Variants in PCDHAC1 observed in about 807,000 individuals in gnomAD.
The protein encoded by PCDHAC1 is protocadherin alpha-C1.
Under a neutral mutation model 60.0 loss-of-function variants are expected in PCDHAC1, and 42 were observed. The ratio of observed to expected loss-of-function variants is 0.70; its 90% CI spans 0.55 to 0.90. PCDHAC1 has a LOEUF of 0.90. Among genes scored for constraint, PCDHAC1 ranks in the 40% least tolerant of loss-of-function variants. The pLI is 0.00. For missense variants in PCDHAC1, 1,160 were observed against 1,222.3 expected, an observed-to-expected ratio of 0.95 and a Z score of 0.76; for synonymous variants, 468 against 499.3, an observed-to-expected ratio of 0.94 and a Z score of 0.84.
In PCDHAC1 at chr5:140,926,926, T is replaced by C; in HGVS notation, c.34T>C (p.Trp12Arg). ...VGCGVAVLCL[W>R]VSCGAAAGQL... Reference sequence around the variant, plus strand: ...CTGTGGGGTGGCAGTTTTATGTTTGTGGGTTTCCTGCGGCGCTGCAGCGGG... The same window carrying C: ...CTGTGGGGTGGCAGTTTTATGTTTGCGGGTTTCCTGCGGCGCTGCAGCGGG... The change falls in exon 1 of 4, where the codon TGG (tryptophan) becomes CGG (arginine). Residue 12 changes from tryptophan to arginine, a missense_variant. Around this residue, in one of 3 missense-constraint regions of PCDHAC1, gnomAD observed 43 missense variants for 40.4 expected, o/e 1.06. Transcript: ENST00000253807. 1 of 1,573,576 alleles carries C rather than the reference T, an allele frequency of 6.4e-7. No homozygotes were observed. Among genetic ancestry groups the C allele is most frequent in the South Asian group, 1.2e-5 (1 of 84,712 alleles).
chr5:140,927,453 G>T lies in PCDHAC1; in HGVS notation c.561G>T (p.Leu187Phe). 3 of 1,614,168 alleles carry T rather than the reference G, an allele frequency of 1.9e-6. No homozygotes were observed. The highest frequency in any genetic ancestry group is 2.5e-6 in the Non-Finnish European group (3 of 1,180,032). Residue 187 changes from leucine to phenylalanine, a missense_variant, in exon 1 of 4, where the codon TTG becomes TTT. By Grantham distance (22) the Leu-to-Phe change is conservative. Transcript: ENST00000253807. ...VDGSEYPELV[L>F]EKALDREQRA... ...GCAGCGAATACCCGGAGTTGGTGTT[G>T]GAGAAAGCACTGGATCGCGAACAGC...
intron 3 of PCDHAC1, among the ~76,000 whole-genome samples, chr5:140,993,515 G>T (rs1351377291): frequency 6.7e-6 from 1 of 149,364 alleles, no homozygotes; most frequent in East Asian, 1.9e-4. Context: ...CACACGGGGA[G>T]AGAGAGACAG....
intron 3 of PCDHAC1, among the ~76,000 whole-genome samples, chr5:140,999,702 T>A (rs78322991): frequency 6.6e-6 from 1 of 152,136 alleles, no homozygotes; most frequent in South Asian, 2.1e-4. Context: ...GATTTTTTTT[T>A]AGCTAACTAC....
chr5:140,944,807 A>G (rs1472832230), intron 1 of PCDHAC1, among the ~76,000 whole-genome samples: 1 of 152,214 alleles, frequency 6.6e-6, no homozygotes, highest in Non-Finnish European at 1.5e-5. Context: ...TCGAGGGTCC[A>G]CAGTGATCTT....
intron 3 of PCDHAC1, among the ~76,000 whole-genome samples, chr5:141,007,846 A>G (rs1368916424): frequency 6.6e-6 from 1 of 152,176 alleles, no homozygotes. Flanking sequence ...TAGAGACTCA[A>G]AGTCCTTAAA....
intron 1 of PCDHAC1, among the ~76,000 whole-genome samples, chr5:140,948,492 A>G (rs915795889): frequency 4.0e-5 from 6 of 151,594 alleles, no homozygotes; most frequent in Non-Finnish European, 8.9e-5. Flanking sequence ...AATTTCTTTC[A>G]TAGACTTTCT....
intron 1 of PCDHAC1, among the ~76,000 whole-genome samples, chr5:140,974,079 G>A (rs1554235799): frequency 6.6e-6 from 1 of 152,180 alleles, no homozygotes. Flanking sequence ...CTATAACCAT[G>A]ACTTCAAAAA....
At position 140,926,915 on chromosome 5, in the gene PCDHAC1, T is replaced by A; in HGVS notation, c.23T>A (p.Val8Asp). MVGCGVA[V>D]LCLWVSCGAA... Reference sequence around the variant, plus strand: ...AGGATGGTGGGCTGTGGGGTGGCAGTTTTATGTTTGTGGGTTTCCTGCGGC... The same window carrying A: ...AGGATGGTGGGCTGTGGGGTGGCAGATTTATGTTTGTGGGTTTCCTGCGGC... The change falls in exon 1 of 4, where the codon GTT becomes GAT. Residue 8 changes from valine (V) to aspartate (D), a missense_variant. Around this residue, in one of 3 missense-constraint regions of PCDHAC1, gnomAD observed 43 missense variants for 40.4 expected, o/e 1.06. Transcript: ENST00000253807. 6.4e-7 allele frequency: 1 copy of A among 1,563,726 alleles called. No homozygotes were observed. The highest frequency in any genetic ancestry group is 8.7e-7 in the Non-Finnish European group (1 of 1,152,298).
intron 3 of PCDHAC1, among the ~76,000 whole-genome samples, chr5:141,000,512 CCTT>C (rs1340468179): frequency 2.1e-5 from 3 of 144,282 alleles, no homozygotes; most frequent in Non-Finnish European, 4.5e-5. Context: ...ACTGCAACCT[CCTT>C]CTCCAGGGTT....
chr5:140,930,377 T>C (rs1480359985), intron 1 of PCDHAC1: 1 of 152,198 alleles, frequency 6.6e-6, no homozygotes, highest in Non-Finnish European at 1.5e-5. Flanking sequence ...TAGTGGCCCT[T>C]GGCATTTCAA....
At chr5:140,967,731 G>T in intron 1 of PCDHAC1, 1 of 1,614,164 alleles carries the variant, frequency 6.2e-7, no homozygotes, top group African/African-American at 1.3e-5. Context: ...GTAATTGGGG[G>T]GCTGGATTAT....
chr5:141,006,441 C>T (rs2098274470), intron 3 of PCDHAC1, among the ~76,000 whole-genome samples: 1 of 152,110 alleles, frequency 6.6e-6, no homozygotes, highest in Non-Finnish European at 1.5e-5. Flanking sequence ...TCTCAATCTC[C>T]TGACCTCGAG....
chr5:140,929,528 T>C, intron 1 of PCDHAC1: 1 of 693,446 alleles, frequency 1.4e-6, no homozygotes, highest in African/African-American at 1.9e-5. Context: ...TAGTTTATTT[T>C]TGAGAAACAA....
At chr5:140,950,559 T>TAA (rs1381352344) in intron 1 of PCDHAC1, among the ~76,000 whole-genome samples, 1 of 152,076 alleles carries the variant, frequency 6.6e-6, no homozygotes, top group African/African-American at 2.4e-5. Flanking sequence ...GGGGGACACT[T>TAA]ATTTTAAGGT....
intron 1 of PCDHAC1, among the ~76,000 whole-genome samples, chr5:140,937,306 G>A (rs994842470): frequency 4.3e-4 from 66 of 152,048 alleles, no homozygotes; most frequent in African/African-American, 1.6e-3. Flanking sequence ...CAAAGTGCTG[G>A]GATTACAGGC....
In PCDHAC1 at chr5:140,998,188, AG is replaced by A. The variant is rs375338994; in HGVS notation, c.2582-11438del. On this transcript the variant is annotated intron_variant, in intron 3 of 3. Transcript: ENST00000253807. ...CAAGTATTATTCTAAGCACTTTACAAGTATTAACTCCTTTAATCTGTATAAC... is the reference window on the plus strand; with the variant it reads ...CAAGTATTATTCTAAGCACTTTACAATATTAACTCCTTTAATCTGTATAAC... Among the ~76,000 whole-genome samples, 972 of 152,318 alleles carry A rather than the reference AG, an allele frequency of 6.4e-3. 14 individuals are homozygous for A. Among genetic ancestry groups the A allele is most frequent in the African/African-American group, 0.023 (946 of 41,556 alleles).
At chr5:140,980,347 C>G (rs1329268780) in intron 2 of PCDHAC1, among the ~76,000 whole-genome samples, 2 of 152,132 alleles carry the variant, frequency 1.3e-5, no homozygotes, top group African/African-American at 4.8e-5. Context: ...ACATAACTTC[C>G]TGGACTGGGC....
intron 3 of PCDHAC1, among the ~76,000 whole-genome samples, chr5:140,997,668 T>TTGTGTG (rs35184029): frequency 3.8e-4 from 56 of 148,342 alleles, no homozygotes; most frequent in African/African-American, 8.5e-4. Context: ...ATTATACAGC[T>TTGTGTG]TGTGTGTGTG....
intron 1 of PCDHAC1, among the ~76,000 whole-genome samples, chr5:140,943,997 T>C (rs1387803558): frequency 2.0e-5 from 3 of 152,178 alleles, no homozygotes; most frequent in African/African-American, 7.2e-5. Flanking sequence ...ACAGAACTAC[T>C]GAGTACCCCC....
Sources: gnomAD v4.1 joint callset for allele counts (sites outside exome capture counted in the v4.1 genomes callset) on GRCh38, gnomAD v4.1.1 for gene constraint, gnomAD v4.1.1 regional missense constraint, MANE v1.5 for transcripts, NCBI Gene and HGNC (gene_info 2026-07-23, HGNC 2026-07-21) for gene names.